Variants in CAMSAP3 observed in about 807,000 individuals in gnomAD.
CAMSAP3 encodes the protein calmodulin regulated spectrin associated protein family member 3.
CAMSAP3 carries 34 observed loss-of-function variants against 112.5 expected under a neutral mutation model. That is an observed-to-expected ratio of 0.30 (90% CI 0.23 to 0.40). The LOEUF (loss-of-function observed/expected upper bound fraction) is 0.40, where lower values mean the gene tolerates loss of function less well. Ranked by LOEUF, CAMSAP3 falls within the 10% of genes least tolerant of loss-of-function variation. The pLI is 1.00. For synonymous variants in CAMSAP3, 868 were observed against 799.8 expected, an observed-to-expected ratio of 1.09 and a Z score of -1.44; for missense variants, 1,602 against 1,770.3, an observed-to-expected ratio of 0.90 and a Z score of 1.71.
chr19:7,615,282 CAGG>C lies in CAMSAP3; in HGVS notation c.2774_2776del (p.Glu925del), dbSNP rs1690335591. ...GGAGGCGCGGCGGCGCAAGCAGTGG[CAGG>C]AGGTGGAGAAGGAACAGCGGAGGGA... On this transcript the variant is annotated inframe_deletion, in exon 12 of 17. Transcript: ENST00000160298. This position sits in a 1 kb window ranked among gnomAD's most constrained non-coding sequence, Gnocchi z 6.5. The C allele has an allele frequency of 4.5e-6, 7 of 1,549,192 alleles. No homozygotes were observed. The highest frequency in any genetic ancestry group is 6.1e-6 in the Non-Finnish European group (7 of 1,146,340).
intron 1 of CAMSAP3, among the ~76,000 whole-genome samples, chr19:7,596,407 C>T (rs1281080961): frequency 9.3e-5 from 14 of 151,168 alleles, no homozygotes; most frequent in African/African-American, 2.9e-4. Flanking sequence ...CGGGGGTCCC[C>T]GGCGTCCAAG....
chr19:7,598,143 G>A (rs955788410), intron 1 of CAMSAP3, among the ~76,000 whole-genome samples: 1 of 152,144 alleles, frequency 6.6e-6, no homozygotes, highest in Non-Finnish European at 1.5e-5. Flanking sequence ...CAGATCATAG[G>A]GAAGCTGGCC....
intron 5 of CAMSAP3, among the ~76,000 whole-genome samples, chr19:7,609,918 G>A (rs1352551911): frequency 6.6e-6 from 1 of 152,130 alleles, no homozygotes; most frequent in Non-Finnish European, 1.5e-5. Flanking sequence ...CAAGTGACGG[G>A]GAGCGGCTGT....
intron 11 of CAMSAP3, chr19:7,614,972 G>C (rs896662408): frequency 1.6e-5 from 10 of 625,374 alleles, no homozygotes; most frequent in Non-Finnish European, 2.3e-5. Flanking sequence ...TAAGCAGTGT[G>C]TGTGTGAGCG....
At chr19:7,599,108 G>A (rs2029862581) in intron 1 of CAMSAP3, among the ~76,000 whole-genome samples, 1 of 150,648 alleles carries the variant, frequency 6.6e-6, no homozygotes, top group Non-Finnish European at 1.5e-5. Flanking sequence ...GAGTTCCAGG[G>A]TACAGTCAGC....
chr19:7,605,582 CT>C (rs1364140744), intron 2 of CAMSAP3, 103 bp downstream of exon 2: 7 of 1,281,662 alleles, frequency 5.5e-6, no homozygotes, highest in Non-Finnish European at 7.1e-6. Flanking sequence ...CTCTATCAGT[CT>C]TGGCTCCTTT....
chr19:7,595,894 C>A lies in CAMSAP3; in HGVS notation c.-109C>A. 2.2e-6 allele frequency: 1 copy of A among 456,030 alleles called. No homozygotes were observed. The highest frequency in any genetic ancestry group is 2.9e-6 in the Non-Finnish European group (1 of 348,120). 28.2% of individuals were successfully genotyped at this position (456,030 alleles called of 1,614,324 possible). On this transcript the variant is annotated 5_prime_UTR_variant, in exon 1 of 17. Coordinates refer to ENST00000160298, the MANE Select transcript of CAMSAP3 (RefSeq NM_020902.2). ...GGCTCAGCAGCGGCGGCGGCGGCGG[C>A]GGCGGCAGCGGCGGTAGCAGCAGCG...
At chr19:7,606,150 A>AAAC in intron 2 of CAMSAP3, 121 bp from the exon 3 acceptor site, 2 of 265,230 alleles carry the variant, frequency 7.5e-6, no homozygotes, top group South Asian at 3.3e-5. Flanking sequence ...CGCCCCCTCA[A>AAAC]GCCCCACCCC....
Position 7,597,567 on chromosome 19 carries a change from G to A in CAMSAP3, c.148+1417G>A, listed in dbSNP as rs143736160. ...GAATGTTTGTGGGGCAGGGGCACTT[G>A]CTATGTGTAGGGCACTGCTCCAGTG... On this transcript the variant is annotated intron_variant, in intron 1 of 16. Coordinates refer to ENST00000160298, the MANE Select transcript of CAMSAP3 (RefSeq NM_020902.2). Among the ~76,000 whole-genome samples the A allele has an allele frequency of 2.6e-4, 40 of 152,328 alleles. No individual in the cohort carries two copies. The East Asian group carries it at 6.7e-3, about 26-fold the overall frequency.
chr19:7,615,309 GA>G lies in CAMSAP3; in HGVS notation c.2798del (p.Glu933GlyfsTer56), dbSNP rs1159289574. On this transcript the variant is annotated frameshift_variant, in exon 12 of 17. Transcript: ENST00000160298. LOFTEE classifies it high-confidence loss of function. This position sits in a 1 kb window ranked among gnomAD's most constrained non-coding sequence, Gnocchi z 6.5. ...WQEVEKEQRR[E>X]EAARLAQEEA... ...GGAGGTGGAGAAGGAACAGCGGAGG[GA>G]GGAGGCCGCGAGGTGAGGCCGGGCC... 1 of 1,546,462 alleles carries G rather than the reference GA, an allele frequency of 6.5e-7. No individual in the cohort carries two copies. Among genetic ancestry groups the G allele is most frequent in the Non-Finnish European group, 8.7e-7 (1 of 1,144,520 alleles).
At position 7,607,249 on chromosome 19, in the gene CAMSAP3, C is replaced by T. The variant is rs2030269982; in HGVS notation, c.621+678C>T. Among the ~76,000 whole-genome samples, 2 of 152,158 alleles carry T rather than the reference C, an allele frequency of 1.3e-5. No homozygotes were observed. Among genetic ancestry groups the T allele is most frequent in the Admixed American group, 6.5e-5 (1 of 15,276 alleles). On this transcript the variant is annotated intron_variant, in intron 4 of 16. Coordinates refer to ENST00000160298, the MANE Select transcript of CAMSAP3 (RefSeq NM_020902.2). This position sits in a 1 kb window ranked among gnomAD's most constrained non-coding sequence, Gnocchi z 4.9. The stretch of plus-strand genomic sequence containing the variant: ...CCCTCTGGCCAAGGGGAAGACCCTC[C>T]AATGCAGAAGAAGATAGAATAACTT...
In CAMSAP3 at chr19:7,614,949, T is replaced by A. The variant is rs1253871236; in HGVS notation, c.2671-234T>A. The A allele has an allele frequency of 5.1e-6, 3 of 593,462 alleles. No homozygotes were observed. In the African/African-American group the frequency reaches 5.6e-5, roughly 11 times the overall value. The allele number at this position is 593,462 out of a possible 1,614,324, so 36.8% of individuals were successfully genotyped here. ...CTCACTGCTGTCTGCTGCTTTTGTC[T>A]TCCCCGTTGGGTTAAGCAGTGTGTG... On this transcript the variant is annotated intron_variant, in intron 11 of 16. Coordinates refer to ENST00000160298, the MANE Select transcript of CAMSAP3 (RefSeq NM_020902.2).
intron 1 of CAMSAP3, among the ~76,000 whole-genome samples, chr19:7,597,712 G>A (rs1017269060): frequency 4.6e-5 from 7 of 152,222 alleles, no homozygotes; most frequent in Non-Finnish European, 1.0e-4. Flanking sequence ...CTCGCTGCTG[G>A]TGTGATTGGC....
Position 7,617,747 on chromosome 19 carries a change from C to T in CAMSAP3, c.3445-5C>T. 1 of 1,611,618 alleles carries T rather than the reference C, an allele frequency of 6.2e-7. No homozygotes were observed. Among genetic ancestry groups the T allele is most frequent in the Non-Finnish European group, 8.5e-7 (1 of 1,178,114 alleles). On this transcript the variant is annotated splice_region_variant and splice_polypyrimidine_tract_variant and intron_variant, in intron 16 of 16. Coordinates refer to ENST00000160298, the MANE Select transcript of CAMSAP3 (RefSeq NM_020902.2). The surrounding 1 kb of genome is among the most constrained non-coding windows in gnomAD (Gnocchi z 7.5). ...CAGCTGACCATTTCCAGCACTCCTG[C>T]CCAGGAAATTGAGAAAAGCAAGGCC...
rs763330563 is a variant in CAMSAP3, at chr19:7,618,188, T to C, written c.*131T>C. On this transcript the variant is annotated 3_prime_UTR_variant, in exon 17 of 17. Transcript: ENST00000160298. The stretch of plus-strand genomic sequence containing the variant: ...GGGTGGGGCTGGAGTCTCCACCCTC[T>C]GACTTTGAGTCCAGTCCTGCTGTGG... 2.0e-6 allele frequency: 2 copies of C among 1,005,392 alleles called. No homozygotes were observed. Among genetic ancestry groups the C allele is most frequent in the Non-Finnish European group, 2.9e-6 (2 of 700,282 alleles). 62.3% of individuals were successfully genotyped at this position (1,005,392 alleles called of 1,614,324 possible).
rs1279523749 is a variant in CAMSAP3 at position 7,610,594 on chromosome 19, G to C, written c.879G>C (p.Leu293=). Residue 293 remains leucine, a synonymous_variant, in exon 6 of 17, where the codon CTG becomes CTC. Transcript: ENST00000160298. The surrounding 1 kb of genome is among the most constrained non-coding windows in gnomAD (Gnocchi z 4.9). Reference sequence around the variant, plus strand: ...GCCCCCTGTCCCTTGAGGACTTGCTGTACGTCCCACCGCCACTCAAGGTAA... The same window carrying C: ...GCCCCCTGTCCCTTGAGGACTTGCTCTACGTCCCACCGCCACTCAAGGTAA... ...RGCPLSLEDL[L]YVPPPLKVNL... 6.2e-7 allele frequency: 1 copy of C among 1,613,394 alleles called. No homozygotes were observed. Among genetic ancestry groups the C allele is most frequent in the South Asian group, 1.1e-5 (1 of 91,080 alleles).
At position 7,596,059 on chromosome 19, in the gene CAMSAP3, C is replaced by A. The variant is rs749078169; in HGVS notation, c.57C>A (p.Pro19=). ...CGCTGCGGAGGACCTTTCTAGTGCC[C>A]GAGATCAAGTCGCTGGACCAGTACG... is the stretch of plus-strand genomic sequence containing the variant. ...PGPLRRTFLV[P]EIKSLDQYDF... The change falls in exon 1 of 17, where the codon CCC becomes CCA. Residue 19 remains proline, a synonymous_variant. Transcript: ENST00000160298. The A allele has an allele frequency of 1.6e-6, 2 of 1,280,652 alleles. No homozygotes were observed. Among genetic ancestry groups the A allele is most frequent in the East Asian group, 5.8e-5 (1 of 17,152 alleles). The allele number at this position is 1,280,652 out of a possible 1,614,324, so 79.3% of individuals were successfully genotyped here.
chr19:7,605,147 G>GTGTGTGTGTGTGTGT (rs3223050), intron 1 of CAMSAP3, 79 bp from the exon 2 acceptor site: 7 of 624,566 alleles, frequency 1.1e-5, no homozygotes, highest in South Asian at 2.7e-5. Flanking sequence ...CGGGCCATGT[G>GTGTGTGTGTGTGTGT]GTGTGTGTGT....
chr19:7,599,333 C>T (rs1256838649), intron 1 of CAMSAP3, among the ~76,000 whole-genome samples: 1 of 135,014 alleles, frequency 7.4e-6, no homozygotes, highest in Non-Finnish European at 1.6e-5. Context: ...CTCATCCATC[C>T]ACCCACGCAC....
Sources: allele counts gnomAD v4.1 joint callset (sites outside exome capture counted in the v4.1 genomes callset), GRCh38; gene constraint gnomAD v4.1.1; non-coding constraint Gnocchi (gnomAD v3.1); transcripts MANE v1.5; gene names NCBI Gene and HGNC (gene_info 2026-07-23, HGNC 2026-07-21).